NEBL: variants seen among roughly 807,000 people sequenced by gnomAD.
NEBL encodes the protein LIM and SH3 protein 2.
Under a neutral mutation model 140.2 loss-of-function variants are expected in NEBL, and 122 were observed. The observed-to-expected ratio is 0.87, with a 90% CI of 0.75 to 1.01. NEBL has a LOEUF of 1.01. Ranked by LOEUF, NEBL falls within the 50% of genes least tolerant of loss-of-function variation. The pLI is 0.00. For missense variants in NEBL, 1,365 were observed against 1,231.3 expected (o/e 1.11, Z -1.62); for synonymous variants, 436 against 398.9 (o/e 1.09, Z -1.11).
At chr10:21,141,085 G>A (rs1725986567) in intron 2 of NEBL, among the ~76,000 whole-genome samples, 1 of 146,432 alleles carries the variant, frequency 6.8e-6, no homozygotes, top group African/African-American at 2.5e-5. Flanking sequence ...CCTGCTCTAT[G>A]CTCTTCAAAA....
At chr10:21,267,468 G>T (rs1305365280) in intron 1 of NEBL, among the ~76,000 whole-genome samples, 1 of 152,214 alleles carries the variant, frequency 6.6e-6, no homozygotes, top group Non-Finnish European at 1.5e-5. Flanking sequence ...TTTCCCAGAA[G>T]CACTTTCTTC....
chr10:20,812,200 C>T (rs374330746), intron 24 of NEBL, among the ~76,000 whole-genome samples: 183 of 152,172 alleles, frequency 1.2e-3, no homozygotes, highest in African/African-American at 3.7e-3. Flanking sequence ...CAGAACAACA[C>T]GTCAACCAAG....
intron 3 of NEBL, among the ~76,000 whole-genome samples, chr10:21,216,137 A>T (rs947995896): frequency 2.6e-5 from 4 of 152,112 alleles, no homozygotes; most frequent in Non-Finnish European, 5.9e-5. Flanking sequence ...GCTGAAACCC[A>T]TCCTACGTGG....
rs190729500 is a variant in NEBL, at chr10:20,933,194, T to A, written c.357+28478A>T. On this transcript the variant is annotated intron_variant, in intron 4 of 6. Transcript: ENST00000417816. ...GATTACTTATGGTTCACCATTTGCA[T>A]CAGTCCCTCCTGACCCAAAAACTAA... Among the ~76,000 whole-genome samples, 24 of 152,342 alleles carry A rather than the reference T, an allele frequency of 1.6e-4. No individual in the cohort carries two copies. The East Asian group carries it at 2.5e-3, about 16-fold the overall frequency.
chr10:20,862,433 T>G (rs1442500011), intron 7 of NEBL, among the ~76,000 whole-genome samples: 5 of 152,188 alleles, frequency 3.3e-5, no homozygotes, highest in African/African-American at 1.2e-4. Flanking sequence ...CCTCGCTCTT[T>G]CTGTAAGGAA....
chr10:21,103,374 C>T (rs950501613), intron 2 of NEBL, among the ~76,000 whole-genome samples: 5 of 151,960 alleles, frequency 3.3e-5, no homozygotes, highest in South Asian at 2.1e-4. Context: ...CCACCATGCC[C>T]GGCTAATTTT....
intron 4 of NEBL, among the ~76,000 whole-genome samples, chr10:20,942,670 A>C (rs762461847): frequency 1.0e-3 from 154 of 152,342 alleles, no homozygotes; most frequent in Non-Finnish European, 1.9e-3. Context: ...GAATGGGAGA[A>C]AATTTCTGCA....
chr10:20,997,198 C>T (rs1446797142), intron 3 of NEBL, among the ~76,000 whole-genome samples: 1 of 152,148 alleles, frequency 6.6e-6, no homozygotes, highest in Non-Finnish European at 1.5e-5. Flanking sequence ...CACTCACTCA[C>T]TCAATCCTTT....
chr10:20,809,769 A>G lies in NEBL; in HGVS notation c.2611+37T>C, dbSNP rs376044070. On this transcript the variant is annotated intron_variant, in intron 25 of 27. Transcript: ENST00000377122. ...CACAGTGGTTCACTTTTGGGACAAA[A>G]CCACATAAATGGGATGAACTAAAAA... The G allele has an allele frequency of 3.6e-5, 53 of 1,457,518 alleles. No homozygotes were observed. In the African/African-American group the frequency reaches 6.9e-4, roughly 19 times the overall value. The allele number at this position is 1,457,518 out of a possible 1,614,324, so 90.3% of individuals were successfully genotyped here.
chr10:21,209,245 T>A (rs12256222), intron 3 of NEBL, among the ~76,000 whole-genome samples: 2,165 of 152,332 alleles, frequency 0.014, 51 homozygotes, highest in African/African-American at 0.05. Flanking sequence ...TCTCATAGGA[T>A]GGTCTCTTTC....
At chr10:20,854,038 A>G (rs559528742) in intron 9 of NEBL, among the ~76,000 whole-genome samples, 1 of 152,322 alleles carries the variant, frequency 6.6e-6, no homozygotes, top group South Asian at 2.1e-4. Context: ...AATAACAATT[A>G]TAAATTAGAA....
At chr10:21,080,377 A>T (rs944796909) in intron 2 of NEBL, among the ~76,000 whole-genome samples, 2 of 152,220 alleles carry the variant, frequency 1.3e-5, no homozygotes, top group Non-Finnish European at 2.9e-5. Context: ...GTAAATATTC[A>T]TACTTTGAGG....
intron 9 of NEBL, among the ~76,000 whole-genome samples, chr10:20,856,613 A>C (rs1843102546): frequency 6.6e-6 from 1 of 152,084 alleles, no homozygotes; most frequent in African/African-American, 2.4e-5. Flanking sequence ...AAATAGAGAC[A>C]CTCAAGGAAT....
intron 2 of NEBL, chr10:21,111,049 C>G (rs923379655): frequency 6.9e-6 from 2 of 290,326 alleles, no homozygotes; most frequent in African/African-American, 4.5e-5. Context: ...ATGTGAAGGA[C>G]CCCTTCAAGG....
At chr10:21,152,388 A>C (rs189007439) in intron 2 of NEBL, among the ~76,000 whole-genome samples, 8 of 152,204 alleles carry the variant, frequency 5.3e-5, no homozygotes, top group Admixed American at 3.9e-4. Flanking sequence ...AAAGTTATAC[A>C]ATGCCCCTGG....
intron 3 of NEBL, among the ~76,000 whole-genome samples, chr10:21,246,319 A>G (rs1336272679): frequency 1.3e-5 from 2 of 152,264 alleles, no homozygotes. Context: ...TACAATATTT[A>G]ACATACACTC....
chr10:20,816,724 T>G (rs954619585), intron 21 of NEBL, among the ~76,000 whole-genome samples: 30 of 152,208 alleles, frequency 2.0e-4, no homozygotes, highest in Admixed American at 1.9e-3. Context: ...ACTTTCTTCT[T>G]GAACTGCATC....
At chr10:20,965,413 G>A (rs1322319137) in intron 3 of NEBL, among the ~76,000 whole-genome samples, 2 of 152,234 alleles carry the variant, frequency 1.3e-5, no homozygotes, top group Admixed American at 6.5e-5. Flanking sequence ...AGGCCTCAAA[G>A]AGGGAGGAAG....
At chr10:20,866,856 T>A (rs1844345787) in intron 7 of NEBL, among the ~76,000 whole-genome samples, 1 of 152,228 alleles carries the variant, frequency 6.6e-6, no homozygotes, top group Non-Finnish European at 1.5e-5. Flanking sequence ...TGTTTGCTCT[T>A]CTGTGAATTA....
Sources: allele counts gnomAD v4.1 joint callset (sites outside exome capture counted in the v4.1 genomes callset), GRCh38; gene constraint gnomAD v4.1.1; transcripts MANE v1.5; gene names NCBI Gene and HGNC (gene_info 2026-07-23, HGNC 2026-07-21).